LAMB4: variants seen among roughly 807,000 people sequenced by gnomAD.
The protein encoded by LAMB4 is laminin subunit beta 4, also known as laminin subunit beta-4.
In LAMB4, 196 loss-of-function variants were observed where a neutral mutation model predicts 199.2. The observed-to-expected ratio is 0.98, with a 90% CI of 0.88 to 1.11. The LOEUF (loss-of-function observed/expected upper bound fraction) is 1.11, where lower values mean the gene tolerates loss of function less well. Among genes scored for constraint, LAMB4 ranks in the 50% least tolerant of loss-of-function variants. LAMB4 has a pLI of 0.00. For missense variants in LAMB4, 2,080 were observed against 2,171.2 expected (o/e 0.96, Z 0.83); for synonymous variants, 744 against 770.6 (o/e 0.97, Z 0.57).
chr7:108,095,171 A>C (rs912635248), intron 12 of LAMB4, 57 bp downstream of exon 12: 62 of 1,270,116 alleles, frequency 4.9e-5, no homozygotes, highest in Non-Finnish European at 7.0e-5. Flanking sequence ...TTACCTAGGC[A>C]ATGGCAATAG....
In LAMB4 at chr7:108,062,957, C is replaced by T; in HGVS notation, c.3099G>A (p.Glu1033=). 1.3e-6 allele frequency: 2 copies of T among 1,596,140 alleles called. No individual in the cohort carries two copies. Among genetic ancestry groups the T allele is most frequent in the Non-Finnish European group, 8.5e-7 (1 of 1,173,086 alleles). Reference sequence around the variant, plus strand: ...GGCAAGCTCCCCCACCAGGGGGACACTCCATGGGACTCACGCCGGAAGCAT... The same window carrying T: ...GGCAAGCTCCCCCACCAGGGGGACATTCCATGGGACTCACGCCGGAAGCAT... ...SCHASGVSPM[E]CPPGGGACLC... is the part of the protein sequence containing the mutation. Residue 1033 remains glutamate (E), a synonymous_variant, in exon 23 of 34, where the codon GAG becomes GAA. Transcript: ENST00000388781.
At chr7:108,039,512 A>G (rs2035347733) in intron 29 of LAMB4, among the ~76,000 whole-genome samples, 1 of 144,414 alleles carries the variant, frequency 6.9e-6, no homozygotes, top group African/African-American at 2.6e-5. Flanking sequence ...TGTATCGCTC[A>G]GGCTGGAGTG....
intron 29 of LAMB4, among the ~76,000 whole-genome samples, chr7:108,042,937 CTG>C (rs754739499): frequency 0.033 from 4,573 of 140,116 alleles, 82 homozygotes; most frequent in South Asian, 0.04. Context: ...CTCTCAATCT[CTG>C]TGTGTGTGTG....
intron 30 of LAMB4, among the ~76,000 whole-genome samples, chr7:108,036,408 G>T (rs191293775): frequency 1.3e-5 from 2 of 152,122 alleles, no homozygotes; most frequent in African/African-American, 2.4e-5. Context: ...GGCTGGTCTC[G>T]AATTCCTGAC....
rs757210762 is a variant in LAMB4, at chr7:108,079,680, G to A, written c.1808C>T (p.Pro603Leu). The change falls in exon 15 of 34, where the codon CCT becomes CTT. Residue 603 changes from proline to leucine, a missense_variant. Pro to Leu is a moderately conservative substitution (Grantham distance 98). Transcript: ENST00000388781. Reference sequence around the variant, plus strand: ...GACAGCAAATCTCAAGCCAGCCCCAGGGAGAACCCTGGCAAATCCAGGTCC... The same window carrying A: ...GACAGCAAATCTCAAGCCAGCCCCAAGGAGAACCCTGGCAAATCCAGGTCC... Reference protein sequence around the residue: ...WTGPGFARVLPGAGLRFAVNN... With the variant: ...WTGPGFARVLLGAGLRFAVNN... 6.2e-7 allele frequency: 1 copy of A among 1,613,118 alleles called. No individual in the cohort carries two copies. The highest frequency in any genetic ancestry group is 8.5e-7 in the Non-Finnish European group (1 of 1,179,706).
chr7:108,116,230 T>G (rs886171602), intron 2 of LAMB4, 69 bp from the exon 3 acceptor site: 24 of 1,414,992 alleles, frequency 1.7e-5, no homozygotes, highest in Non-Finnish European at 2.2e-5. Context: ...CAGAAATGAC[T>G]GGTTAAGGGG....
intron 30 of LAMB4, among the ~76,000 whole-genome samples, chr7:108,035,574 A>G (rs373077656): frequency 7.1e-6 from 1 of 140,174 alleles, no homozygotes; most frequent in African/African-American, 2.6e-5. Flanking sequence ...TTTTCAATGT[A>G]CTGCTTATTA....
At chr7:108,114,523 A>G (rs1438510742) in intron 3 of LAMB4, among the ~76,000 whole-genome samples, 1 of 152,264 alleles carries the variant, frequency 6.6e-6, no homozygotes, top group Non-Finnish European at 1.5e-5. Context: ...AACTTCCACC[A>G]TGTAATTTCC....
At chr7:108,081,514 C>T (rs567005489) in intron 14 of LAMB4, among the ~76,000 whole-genome samples, 1 of 152,272 alleles carries the variant, frequency 6.6e-6, no homozygotes, top group South Asian at 2.1e-4. Context: ...AGAACATTTC[C>T]TTAATAAATC....
intron 23 of LAMB4, among the ~76,000 whole-genome samples, chr7:108,059,506 T>C (rs1246045027): frequency 6.6e-6 from 1 of 152,184 alleles, no homozygotes; most frequent in African/African-American, 2.4e-5. Context: ...CTGTCCATTA[T>C]CTTGGTTGTC....
chr7:108,103,314 C>T, intron 9 of LAMB4, 82 bp from the exon 10 acceptor site: 2 of 1,139,918 alleles, frequency 1.8e-6, no homozygotes, highest in East Asian at 2.6e-5. Context: ...TCAGGGCACC[C>T]GCTAGTCCTC....
chr7:108,020,491 GAAAA>G (rs2034669551), downstream of LAMB4, among the ~76,000 whole-genome samples: 2 of 137,048 alleles, frequency 1.5e-5, no homozygotes, highest in African/African-American at 5.5e-5. Flanking sequence ...AAAAAAAAAA[GAAAA>G]GAAAAAGTAT....
intron 14 of LAMB4, among the ~76,000 whole-genome samples, chr7:108,084,578 G>A (rs1055865620): frequency 1.3e-5 from 2 of 152,070 alleles, no homozygotes; most frequent in Non-Finnish European, 2.9e-5. Context: ...TGCACAACAC[G>A]GGCCAATGAA....
chr7:108,027,559 A>G (rs944269253), intron 33 of LAMB4, among the ~76,000 whole-genome samples: 1 of 152,212 alleles, frequency 6.6e-6, no homozygotes, highest in Admixed American at 6.5e-5. Context: ...AGAGGCATCT[A>G]TAAGTGAGGA....
intron 28 of LAMB4, 72 bp from the exon 29 acceptor site, chr7:108,043,968 T>C: frequency 1.5e-6 from 2 of 1,351,892 alleles, no homozygotes; most frequent in Non-Finnish European, 2.0e-6. Context: ...TGATGTTTAA[T>C]TACTTAGCTG....
chr7:108,085,300 A>G (rs1277807397), intron 14 of LAMB4, among the ~76,000 whole-genome samples: 1 of 152,236 alleles, frequency 6.6e-6, no homozygotes, highest in Non-Finnish European at 1.5e-5. Flanking sequence ...CTACAAATTG[A>G]CAATGTGAAT....
chr7:108,107,376 G>A (rs769012174), intron 6 of LAMB4, among the ~76,000 whole-genome samples: 7 of 152,148 alleles, frequency 4.6e-5, no homozygotes, highest in Non-Finnish European at 1.0e-4. Flanking sequence ...CTTCTTCTGG[G>A]TGCCTGGGGC....
At chr7:108,042,937 CTGTGTGTG>C (rs754739499) in intron 29 of LAMB4, among the ~76,000 whole-genome samples, 79 of 140,390 alleles carry the variant, frequency 5.6e-4, no homozygotes, top group African/African-American at 7.7e-4. Flanking sequence ...CTCTCAATCT[CTGTGTGTG>C]TGTGTGTGTG....
At chr7:108,051,968 G>T in intron 26 of LAMB4, 129 bp downstream of exon 26, 1 of 608,150 alleles carries the variant, frequency 1.6e-6, no homozygotes, top group Admixed American at 2.9e-5. Flanking sequence ...TACCTTTAAT[G>T]GTTGTGTTTG....
Sources: gnomAD v4.1 joint callset for allele counts (sites outside exome capture counted in the v4.1 genomes callset) on GRCh38, gnomAD v4.1.1 for gene constraint, MANE v1.5 for transcripts, NCBI Gene and HGNC (gene_info 2026-07-23, HGNC 2026-07-21) for gene names.